Variants in SPAST observed in about 807,000 individuals in gnomAD.
SPAST encodes spastic paraplegia 4 (autosomal dominant; spastin).
SPAST carries 30 observed loss-of-function variants against 76.6 expected under a neutral mutation model. The observed-to-expected ratio is 0.39, with a 90% CI of 0.29 to 0.53. SPAST has a LOEUF of 0.53. Ranked by LOEUF, SPAST falls within the 20% of genes least tolerant of loss-of-function variation. The probability of loss-of-function intolerance (pLI) is 0.68; values close to 1 mark genes in which losing one functional copy is unlikely to be tolerated. For missense variants in SPAST, 717 were observed against 770.5 expected, an observed-to-expected ratio of 0.93 and a Z score of 0.82; for synonymous variants, 305 against 281.0, an observed-to-expected ratio of 1.09 and a Z score of -0.86.
chr2:32,147,027 A>C lies in SPAST; in HGVS notation c.1688-191A>C, dbSNP rs7572964. On this transcript the variant is annotated intron_variant, in intron 15 of 16. Transcript: ENST00000315285. Reference sequence around the variant, plus strand: ...AAATTGAACACTTTCCAGTTATTCCAAAGAAGGAATATTCTCTTCTCAGCA... The same window carrying C: ...AAATTGAACACTTTCCAGTTATTCCCAAGAAGGAATATTCTCTTCTCAGCA... Among the ~76,000 whole-genome samples, 3 of 151,880 alleles carry C rather than the reference A, an allele frequency of 2.0e-5. No individual in the cohort carries two copies. In the South Asian group the frequency reaches 6.2e-4, roughly 32 times the overall value.
intron 4 of SPAST, among the ~76,000 whole-genome samples, chr2:32,110,775 G>C (rs946430826): frequency 3.4e-4 from 35 of 102,460 alleles, no homozygotes; most frequent in Admixed American, 1.7e-3. Context: ...AGTATACATA[G>C]TATACTATAT....
chr2:32,078,136 G>A (rs1359727063), intron 1 of SPAST, among the ~76,000 whole-genome samples: 1 of 151,140 alleles, frequency 6.6e-6, no homozygotes, highest in African/African-American at 2.4e-5. Flanking sequence ...GACTACAGGC[G>A]CCCGCCACTA....
intron 4 of SPAST, among the ~76,000 whole-genome samples, chr2:32,113,328 G>T (rs903262608): frequency 6.6e-6 from 1 of 151,554 alleles, no homozygotes; most frequent in African/African-American, 2.4e-5. Flanking sequence ...CAGGTGATCT[G>T]CCCGCCTCAG....
rs1213514226 is a variant in SPAST, at chr2:32,157,581, A to G, written c.*3085A>G. On this transcript the variant is annotated 3_prime_UTR_variant, in exon 17 of 17. Transcript: ENST00000315285. ...CTTCAGAAGAAATGAATTAAAGGGT[A>G]CAGTTGCATAAAGTGGGTTTTTATC... is the stretch of plus-strand genomic sequence containing the variant. The G allele has an allele frequency of 2.0e-5, 3 of 152,630 alleles. No homozygotes were observed. Among genetic ancestry groups the G allele is most frequent in the Admixed American group, 2.0e-4 (3 of 15,272 alleles). The allele number at this position is 152,630 out of a possible 1,614,324, so 9.5% of individuals were successfully genotyped here.
chr2:32,098,673 T>C lies in SPAST; in HGVS notation c.587-123T>C, dbSNP rs995081285. The C allele has an allele frequency of 4.7e-6, 3 of 636,268 alleles. No homozygotes were observed. The South Asian group carries it at 5.9e-5, about 13-fold the overall frequency. 39.4% of individuals were successfully genotyped at this position (636,268 alleles called of 1,614,324 possible). A position where few individuals can be genotyped will look rare whatever the true frequency, so the allele number is the denominator to read the frequency against. ...TAATTTTATATAAATGCAAAAACTT[T>C]TTATCATGTAACAATCTGGTAACAC... On this transcript the variant is annotated intron_variant, in intron 3 of 16. Transcript: ENST00000315285.
chr2:32,140,497 A>G (rs1032454294), intron 12 of SPAST, among the ~76,000 whole-genome samples: 1 of 152,066 alleles, frequency 6.6e-6, no homozygotes, highest in Admixed American at 6.6e-5. Context: ...GGTCACACAC[A>G]CCTGTAATCC....
rs757690966 is a variant in SPAST at position 32,143,396 on chromosome 2, G to A, written c.1597G>A (p.Glu533Lys). Residue 533 changes from glutamate (E) to lysine (K), a missense_variant, in exon 14 of 17, where the codon GAA becomes AAA. Glu to Lys is a moderately conservative substitution (Grantham distance 56). This residue lies in a region of SPAST where 96 missense variants were observed against 127.6 expected (regional missense o/e 0.75). Transcript: ENST00000315285. Reference sequence around the variant, plus strand: ...ACAAGGAAGTCCATTGACCCAAAAAGAACTAGCACAACTTGCTAGGTGAGT... The same window carrying A: ...ACAAGGAAGTCCATTGACCCAAAAAAAACTAGCACAACTTGCTAGGTGAGT... ...CKQGSPLTQK[E>K]LAQLARMTDG... 6.2e-7 allele frequency: 1 copy of A among 1,607,602 alleles called. No homozygotes were observed. The highest frequency in any genetic ancestry group is 8.5e-7 in the Non-Finnish European group (1 of 1,174,762).
intron 3 of SPAST, among the ~76,000 whole-genome samples, chr2:32,090,764 T>C (rs1677677534): frequency 6.6e-6 from 1 of 152,352 alleles, no homozygotes; most frequent in Non-Finnish European, 1.5e-5. Flanking sequence ...TGCATGCATC[T>C]TTTGTGGTAT....
At chr2:32,150,946 G>T in intron 16 of SPAST, among the ~76,000 whole-genome samples, 2 of 108,322 alleles carry the variant, frequency 1.8e-5, no homozygotes, top group South Asian at 3.9e-4. Context: ...TGGTTCTACT[G>T]TATACTTTTT....
At chr2:32,066,409 C>T (rs1362211553) in intron 1 of SPAST, among the ~76,000 whole-genome samples, 3 of 152,080 alleles carry the variant, frequency 2.0e-5, no homozygotes, top group East Asian at 1.9e-4. Context: ...GTGGCTCACG[C>T]GTGTAATCCC....
chr2:32,072,923 G>C (rs1558612806), intron 1 of SPAST, among the ~76,000 whole-genome samples: 1 of 152,144 alleles, frequency 6.6e-6, no homozygotes, highest in Non-Finnish European at 1.5e-5. Context: ...TGGACATTCA[G>C]ATGATACCAT....
rs1375510333 is a variant in SPAST at position 32,157,448 on chromosome 2, CTA to C, written c.*2953_*2954del. On this transcript the variant is annotated 3_prime_UTR_variant, in exon 17 of 17. Transcript: ENST00000315285. ...GAATTCTTTATATTTTGTACAAAAA[CTA>C]ATTCTTTTGGTAAAATGAACCATTT... 1 of 152,508 alleles carries C rather than the reference CTA, an allele frequency of 6.6e-6. No homozygotes were observed. The highest frequency in any genetic ancestry group is 6.6e-5 in the Admixed American group (1 of 15,262). 9.4% of individuals were successfully genotyped at this position (152,508 alleles called of 1,614,324 possible).
chr2:32,154,153 CAAGT>C (rs1356927816), intron 16 of SPAST, among the ~76,000 whole-genome samples: 5 of 152,032 alleles, frequency 3.3e-5, no homozygotes, highest in Non-Finnish European at 7.4e-5. Flanking sequence ...AAACTAAACA[CAAGT>C]AATAAATATA....
At chr2:32,121,406 G>T (rs1284478705) in intron 7 of SPAST, among the ~76,000 whole-genome samples, 2 of 152,116 alleles carry the variant, frequency 1.3e-5, no homozygotes, top group East Asian at 1.9e-4. Flanking sequence ...CTCCCAAAGT[G>T]CTGGGATTAG....
chr2:32,067,057 AT>A (rs954783788), intron 1 of SPAST, among the ~76,000 whole-genome samples: 2 of 151,284 alleles, frequency 1.3e-5, no homozygotes, highest in Non-Finnish European at 2.9e-5. Context: ...ATGCAAGGAA[AT>A]TTTTTTTATT....
intron 9 of SPAST, among the ~76,000 whole-genome samples, chr2:32,131,817 G>A (rs983892124): frequency 2.6e-5 from 4 of 151,174 alleles, no homozygotes; most frequent in African/African-American, 7.3e-5. Context: ...CACCCGCCAC[G>A]ACACTTGGCT....
At chr2:32,098,982 TGGTA>T in intron 4 of SPAST, 91 bp downstream of exon 4, 1 of 873,666 alleles carries the variant, frequency 1.1e-6, no homozygotes, top group Non-Finnish European at 1.9e-6. Context: ...GATTTTATAA[TGGTA>T]GGTTTAATTG....
chr2:32,102,829 T>G (rs1007939209), intron 4 of SPAST, among the ~76,000 whole-genome samples: 1 of 151,818 alleles, frequency 6.6e-6, no homozygotes, highest in Non-Finnish European at 1.5e-5. Context: ...CCAACTTGAT[T>G]GCGTTGGATA....
Position 32,118,060 on chromosome 2 carries a change from G to C in SPAST, c.1098+1848G>C, listed in dbSNP as rs184612829. 3.9e-5 allele frequency among the ~76,000 whole-genome samples: 6 copies of C among 152,156 alleles called. No homozygotes were observed. The East Asian group carries it at 1.2e-3, about 29-fold the overall frequency. On this transcript the variant is annotated intron_variant, in intron 7 of 16. Coordinates refer to ENST00000315285, the MANE Select transcript of SPAST (RefSeq NM_014946.4). ...TATTTAGTGCTGTTCCAATAATATT[G>C]CAAAAAATAAATCTGAAGACTCACT...
Sources: allele counts gnomAD v4.1 joint callset (sites outside exome capture counted in the v4.1 genomes callset), GRCh38; gene constraint gnomAD v4.1.1; regional missense constraint gnomAD v4.1.1; transcripts MANE v1.5; gene names NCBI Gene and HGNC (gene_info 2026-07-23, HGNC 2026-07-21).